The following FMN2 variants were observed in gnomAD, a reference collection of about 807,000 sequenced individuals.
FMN2 encodes the protein formin 2, also known as formin-2.
A neutral mutation model predicts 142.3 loss-of-function variants in FMN2; 51 were observed. That is an observed-to-expected ratio of 0.36 (90% confidence interval 0.29 to 0.45). FMN2 has a LOEUF of 0.45. Among genes scored for constraint, FMN2 ranks in the 20% least tolerant of loss-of-function variants. FMN2 has a pLI of 1.00. For missense variants in FMN2, 1,936 were observed against 2,122.8 expected, an observed-to-expected ratio of 0.91 and a Z score of 1.73; for synonymous variants, 882 against 869.8, an observed-to-expected ratio of 1.01 and a Z score of -0.25.
intron 15 of FMN2, among the ~76,000 whole-genome samples, chr1:240,405,763 G>A (rs1237189922): frequency 1.3e-5 from 2 of 152,040 alleles, no homozygotes; most frequent in Non-Finnish European, 2.9e-5. Context: ...TCATTGTTCA[G>A]AGGAAGAAAA....
chr1:240,388,551 A>G lies in FMN2; in HGVS notation c.4859-3960A>G, dbSNP rs568538151. On this transcript the variant is annotated intron_variant, in intron 14 of 17. Coordinates refer to ENST00000319653, the MANE Select transcript of FMN2 (RefSeq NM_020066.5). ...GGAGGAGAGGTGATTGCTCTCAGAG[A>G]TCTGGGATGCCCTTGGCCAGTGATG... 1.2e-4 allele frequency among the ~76,000 whole-genome samples: 18 copies of G among 152,118 alleles called. No homozygotes were observed. In the South Asian group the frequency reaches 3.5e-3, roughly 30 times the overall value.
At chr1:240,333,711 T>A (rs547757668) in intron 11 of FMN2, among the ~76,000 whole-genome samples, 176 bp from the exon 12 acceptor site, 2 of 152,222 alleles carry the variant, frequency 1.3e-5, no homozygotes, top group South Asian at 4.1e-4. Flanking sequence ...GAAAAATCTT[T>A]TAAGCCACCA....
At position 240,392,429 on chromosome 1, in the gene FMN2, C is replaced by T. The variant is rs182809428; in HGVS notation, c.4859-82C>T. The T allele has an allele frequency of 1.8e-4, 196 of 1,066,918 alleles. No homozygotes were observed. In the African/African-American group the frequency reaches 2.4e-3, roughly 13 times the overall value. The allele number at this position is 1,066,918 out of a possible 1,614,324, so 66.1% of individuals were successfully genotyped here. On this transcript the variant is annotated intron_variant, in intron 14 of 17. Transcript: ENST00000319653. Reference sequence around the variant, plus strand: ...TAGAATTAATAATTAAAATAAGTTACGTTATGTAGGGCAGATGTTGCTTGA... The same window carrying T: ...TAGAATTAATAATTAAAATAAGTTATGTTATGTAGGGCAGATGTTGCTTGA...
intron 4 of FMN2, among the ~76,000 whole-genome samples, chr1:240,200,670 G>T (rs184086258): frequency 9.9e-5 from 15 of 152,220 alleles, no homozygotes; most frequent in Non-Finnish European, 2.2e-4. Flanking sequence ...ATTAATACAG[G>T]GCCGGTCGGG....
chr1:240,172,379 G>A (rs1238703509), intron 2 of FMN2, among the ~76,000 whole-genome samples: 2 of 152,174 alleles, frequency 1.3e-5, no homozygotes, highest in East Asian at 3.8e-4. Flanking sequence ...GTTAAGTAGA[G>A]ATGATGTGTA....
intron 3 of FMN2, among the ~76,000 whole-genome samples, chr1:240,182,618 C>A (rs914775810): frequency 2.0e-5 from 3 of 151,944 alleles, no homozygotes; most frequent in Admixed American, 2.0e-4. Flanking sequence ...ACAAAAGGAT[C>A]ATAAAGGAAT....
chr1:240,419,036 A>G (rs1443498966), intron 15 of FMN2, among the ~76,000 whole-genome samples: 1 of 152,236 alleles, frequency 6.6e-6, no homozygotes, highest in Non-Finnish European at 1.5e-5. Flanking sequence ...TGATCCCGCG[A>G]GGCGGAGGTT....
intron 16 of FMN2, among the ~76,000 whole-genome samples, chr1:240,448,036 G>A (rs960955500): frequency 6.6e-5 from 10 of 152,118 alleles, no homozygotes; most frequent in Admixed American, 3.9e-4. Context: ...ATCTAACATC[G>A]GTCCCTCTTC....
chr1:240,147,574 C>G lies in FMN2; in HGVS notation c.1782+24229C>G, dbSNP rs1227375560. 2.6e-5 allele frequency among the ~76,000 whole-genome samples: 4 copies of G among 152,206 alleles called. No individual in the cohort carries two copies. In the South Asian group the frequency reaches 8.3e-4, roughly 32 times the overall value. On this transcript the variant is annotated intron_variant, in intron 2 of 17. Coordinates refer to ENST00000319653, the MANE Select transcript of FMN2 (RefSeq NM_020066.5). Reference sequence around the variant, plus strand: ...ATGGAACAATCATAGCTCACTGCAGCCTGGAATCCCTGCACTCAAGTGATC... The same window carrying G: ...ATGGAACAATCATAGCTCACTGCAGGCTGGAATCCCTGCACTCAAGTGATC...
chr1:240,360,973 G>A (rs889184156), intron 14 of FMN2, among the ~76,000 whole-genome samples: 7 of 151,548 alleles, frequency 4.6e-5, no homozygotes, highest in Non-Finnish European at 8.8e-5. Flanking sequence ...GCCTGTTGTG[G>A]GGTCGGGAGA....
At chr1:240,367,557 A>G (rs935841232) in intron 14 of FMN2, among the ~76,000 whole-genome samples, 1 of 152,030 alleles carries the variant, frequency 6.6e-6, no homozygotes, top group African/African-American at 2.4e-5. Flanking sequence ...TCACGAGGTC[A>G]GGAGATCGAG....
intron 13 of FMN2, among the ~76,000 whole-genome samples, chr1:240,346,008 T>C (rs1671897267): frequency 6.6e-6 from 1 of 152,154 alleles, no homozygotes. Context: ...TTGAACTGTA[T>C]TTACCTGCAT....
intron 6 of FMN2, among the ~76,000 whole-genome samples, chr1:240,241,369 A>G (rs536086924): frequency 1.3e-5 from 2 of 152,264 alleles, no homozygotes. Flanking sequence ...AAAAATATCA[A>G]AAAGCCTAAG....
chr1:240,144,237 CA>C (rs1294950381), intron 2 of FMN2: 1 of 1,575,178 alleles, frequency 6.3e-7, no homozygotes, highest in Non-Finnish European at 8.7e-7. Context: ...GCTGCATTCA[CA>C]AAGCCACTCA....
intron 16 of FMN2, among the ~76,000 whole-genome samples, chr1:240,461,451 G>T (rs74149138): frequency 0.021 from 3,216 of 152,242 alleles, 113 homozygotes; most frequent in African/African-American, 0.074. Flanking sequence ...TGCTGGGCAT[G>T]GAATAGAGAG....
chr1:240,273,770 A>G (rs1387606983), intron 7 of FMN2, among the ~76,000 whole-genome samples: 2 of 152,086 alleles, frequency 1.3e-5, no homozygotes, highest in African/African-American at 2.4e-5. Context: ...TCTGTGATTC[A>G]GGTGACTCTG....
intron 1 of FMN2, among the ~76,000 whole-genome samples, chr1:240,117,366 A>G (rs921632871): frequency 1.3e-5 from 2 of 152,206 alleles, no homozygotes; most frequent in Non-Finnish European, 2.9e-5. Context: ...CTGTGCACTG[A>G]AAGTCAAGAC....
At chr1:240,335,849 A>AG (rs1288943763) in intron 13 of FMN2, among the ~76,000 whole-genome samples, 1 of 152,186 alleles carries the variant, frequency 6.6e-6, no homozygotes, top group African/African-American at 2.4e-5. Context: ...GGGTTTGAAA[A>AG]GGACAAGCAG....
intron 2 of FMN2, among the ~76,000 whole-genome samples, chr1:240,123,797 C>T (rs1463735557): frequency 6.6e-6 from 1 of 152,104 alleles, no homozygotes; most frequent in African/African-American, 2.4e-5. Context: ...CAAAATAAAC[C>T]CTGTACCCAT....
Sources: gnomAD v4.1 joint callset for allele counts (sites outside exome capture counted in the v4.1 genomes callset) on GRCh38, gnomAD v4.1.1 for gene constraint, MANE v1.5 for transcripts, NCBI Gene and HGNC (gene_info 2026-07-23, HGNC 2026-07-21) for gene names.